NTMT1: variants seen among roughly 807,000 people sequenced by gnomAD.
The protein encoded by NTMT1 is N-terminal Xaa-Pro-Lys N-methyltransferase 1, also known as N-terminal RCC1 methyltransferase.
A neutral mutation model predicts 17.5 loss-of-function variants in NTMT1; 8 were observed. The ratio of observed to expected loss-of-function variants is 0.46; its 90% CI spans 0.27 to 0.82. The LOEUF is 0.82. Ranked by LOEUF, NTMT1 falls within the 40% of genes least tolerant of loss-of-function variation. The pLI is 0.15. For synonymous variants in NTMT1, 128 were observed against 126.8 expected (o/e 1.01, Z -0.06); for missense variants, 221 against 303.5 (o/e 0.73, Z 2.02).
At position 129,609,543 on chromosome 9, in the gene NTMT1, C is replaced by A. The variant is rs554431802; in HGVS notation, c.-55+365C>A. Among the ~76,000 whole-genome samples, 616 of 151,152 alleles carry A rather than the reference C, an allele frequency of 4.1e-3. 2 individuals carry two copies. Among genetic ancestry groups the A allele is most frequent in the South Asian group, 5.9e-3 (28 of 4,776 alleles). On this transcript the variant is annotated intron_variant, in intron 1 of 3. Coordinates refer to the NTMT1 transcript ENST00000372486. ...CTTCCTGAAGCCCAGGAGGGGCAGC[C>A]CCCCCACCCCAAACCCCACCCCACC...
At chr9:129,609,998 TG>T (rs1830073910) in intron 1 of NTMT1, among the ~76,000 whole-genome samples, 1 of 144,428 alleles carries the variant, frequency 6.9e-6, no homozygotes, top group African/African-American at 2.6e-5. Flanking sequence ...GTGTACCGTG[TG>T]GGTGTGGCCC....
At chr9:129,610,844 C>G (rs1224643979) in intron 1 of NTMT1, among the ~76,000 whole-genome samples, 1 of 152,102 alleles carries the variant, frequency 6.6e-6, no homozygotes. Flanking sequence ...AGAATCAGGC[C>G]TGCTGAGACG....
intron 1 of NTMT1, among the ~76,000 whole-genome samples, chr9:129,627,726 T>C (rs1156582691): frequency 2.0e-5 from 3 of 152,232 alleles, no homozygotes; most frequent in Non-Finnish European, 4.4e-5. Flanking sequence ...CTTCCTTCTT[T>C]TTCTTAGAGC....
chr9:129,608,975 G>T (rs1485523359), exon 1 of NTMT1: 1 of 152,450 alleles, frequency 6.6e-6, no homozygotes, highest in South Asian at 2.1e-4. Context: ...GAGGTGCTGA[G>T]TGCGAATGCC....
intron 1 of NTMT1, among the ~76,000 whole-genome samples, chr9:129,616,544 C>A (rs543688641): frequency 1.3e-5 from 2 of 152,218 alleles, no homozygotes; most frequent in Admixed American, 1.3e-4. Context: ...TTGTAACTGT[C>A]TATCTCAATC....
At chr9:129,633,844 T>TA (rs1220803559) in intron 2 of NTMT1, among the ~76,000 whole-genome samples, 7 of 151,992 alleles carry the variant, frequency 4.6e-5, no homozygotes, top group Non-Finnish European at 1.0e-4. Flanking sequence ...CTTTCAAAGA[T>TA]AAAGGAATGT....
At chr9:129,630,897 C>T (rs778780592) in intron 1 of NTMT1, among the ~76,000 whole-genome samples, 4 of 152,356 alleles carry the variant, frequency 2.6e-5, no homozygotes, top group East Asian at 1.9e-4. Context: ...GTCCTCAGCA[C>T]GGCCACTGCC....
chr9:129,630,768 G>GAGCTGCAGCTCCCAGTC (rs1200847766), intron 1 of NTMT1, among the ~76,000 whole-genome samples: 2 of 152,260 alleles, frequency 1.3e-5, no homozygotes, highest in Non-Finnish European at 2.9e-5. Context: ...GCGAGGCGGT[G>GAGCTGCAGCTCCCAGTC]AGCTGCAGCT....
rs749241835 is a variant in NTMT1, at chr9:129,634,268, C to T, written c.377C>T (p.Pro126Leu). 1.1e-5 allele frequency: 18 copies of T among 1,612,462 alleles called. No individual in the cohort carries two copies. In the South Asian group the frequency reaches 1.2e-4, roughly 11 times the overall value. The change falls in exon 3 of 4, where the codon CCG becomes CTG. Residue 126 changes from proline (P) to leucine (L), a missense_variant. Pro to Leu is a moderately conservative substitution (Grantham distance 98). Transcript: ENST00000372483. ...CCGLQDFTPE[P>L]DSYDVIWIQW... ...GGGCTCCAGGACTTCACCCCGGAGC[C>T]GGACTCTTACGACGTGATCTGGATC... is the stretch of plus-strand genomic sequence containing the variant.
chr9:129,623,033 A>T (rs1268418388), upstream of NTMT1, among the ~76,000 whole-genome samples: 1 of 234 alleles, frequency 4.3e-3, no homozygotes, highest in African/African-American at 0.016. Context: ...CATCTCCATA[A>T]AAAAAAAAAG....
Position 129,620,336 on chromosome 9 carries a change from A to T in NTMT1, c.-55+11158A>T. On this transcript the variant is annotated intron_variant, in intron 1 of 3. Transcript: ENST00000372486. This position sits in a 1 kb window ranked among gnomAD's most constrained non-coding sequence, Gnocchi z 5.8. Reference sequence around the variant, plus strand: ...CCGGGTCGCGGTGAGCAAGGCGGGCAGGCGCGGCGGGAGGCGTCCGACGCC... The same window carrying T: ...CCGGGTCGCGGTGAGCAAGGCGGGCTGGCGCGGCGGGAGGCGTCCGACGCC... 3.2e-6 allele frequency: 4 copies of T among 1,230,938 alleles called. No individual in the cohort carries two copies. The highest frequency in any genetic ancestry group is 4.1e-6 in the Non-Finnish European group (4 of 986,682). The allele number at this position is 1,230,938 out of a possible 1,614,324, so 76.3% of individuals were successfully genotyped here. A position where few individuals can be genotyped will look rare whatever the true frequency, so the allele number is the denominator to read the frequency against.
rs570107963 is a variant in NTMT1 at position 129,628,207 on chromosome 9, G to A, written c.-55+1912G>A. On this transcript the variant is annotated intron_variant, in intron 1 of 3. Transcript: ENST00000372483. The stretch of plus-strand genomic sequence containing the variant: ...GCTGACTGACCTTGCTGTTCCCTCA[G>A]ACTCTTAGGGACCTCCTCCTGCCCC... 2.0e-5 allele frequency among the ~76,000 whole-genome samples: 3 copies of A among 152,322 alleles called. No homozygotes were observed. The East Asian group carries it at 5.8e-4, about 29-fold the overall frequency.
At chr9:129,610,190 G>C (rs1830077931) in intron 1 of NTMT1, among the ~76,000 whole-genome samples, 1 of 130,532 alleles carries the variant, frequency 7.7e-6, no homozygotes, top group African/African-American at 2.9e-5. Context: ...ACAGGGGAGG[G>C]GGGAGGAGGG....
intron 1 of NTMT1, chr9:129,619,873 G>C (rs764628873): frequency 1.3e-6 from 2 of 1,598,608 alleles, no homozygotes; most frequent in Non-Finnish European, 8.6e-7. Flanking sequence ...GCTGGGGGAC[G>C]GTCCTTTCTA....
chr9:129,612,201 C>T lies in NTMT1; in HGVS notation c.-55+3023C>T, dbSNP rs146773851. 447 of 661,280 alleles carry T rather than the reference C, an allele frequency of 6.8e-4. 2 individuals carry two copies. Among genetic ancestry groups the T allele is most frequent in the Non-Finnish European group, 1.0e-3 (384 of 379,188 alleles). 41.0% of individuals were successfully genotyped at this position (661,280 alleles called of 1,614,324 possible). Reference sequence around the variant, plus strand: ...CTTCCTTCCAGGAACCCCCAGAGACCAGCAACCAGGTACCCAGAAAGGCTT... The same window carrying T: ...CTTCCTTCCAGGAACCCCCAGAGACTAGCAACCAGGTACCCAGAAAGGCTT... On this transcript the variant is annotated intron_variant, in intron 1 of 3. Coordinates refer to the NTMT1 transcript ENST00000372486.
intron 1 of NTMT1, among the ~76,000 whole-genome samples, chr9:129,630,285 C>T (rs1347139569): frequency 6.6e-6 from 1 of 152,096 alleles, no homozygotes; most frequent in African/African-American, 2.4e-5. Context: ...CCAGCCTGGG[C>T]AACGTGGCAA....
At chr9:129,633,366 CCCCT>C (rs1024978067) in intron 2 of NTMT1, 1 of 234,234 alleles carries the variant, frequency 4.3e-6, no homozygotes. Flanking sequence ...TCCAGCGCCT[CCCCT>C]CCCTCCATGT....
chr9:129,632,343 G>A (rs952477303), intron 1 of NTMT1, among the ~76,000 whole-genome samples: 2 of 152,208 alleles, frequency 1.3e-5, no homozygotes, highest in Non-Finnish European at 2.9e-5. Context: ...GCTCCGGAGG[G>A]TGAGGTGGGA....
upstream of NTMT1, among the ~76,000 whole-genome samples, chr9:129,624,705 T>C (rs1423387382): frequency 1.3e-5 from 2 of 152,158 alleles, no homozygotes; most frequent in Middle Eastern, 6.3e-3. Flanking sequence ...TCTAGGCTCA[T>C]TGCAACTTCT....
Sources: allele counts gnomAD v4.1 joint callset (sites outside exome capture counted in the v4.1 genomes callset), GRCh38; gene constraint gnomAD v4.1.1; non-coding constraint Gnocchi (gnomAD v3.1); transcripts MANE v1.5; gene names NCBI Gene and HGNC (gene_info 2026-07-23, HGNC 2026-07-21).